Variants in PIWIL3 observed in about 807,000 individuals in gnomAD.
The protein encoded by PIWIL3 is piwi-like protein 3.
In PIWIL3, 101 loss-of-function variants were observed where a neutral mutation model predicts 109.7. The ratio of observed to expected loss-of-function variants is 0.92; its 90% CI spans 0.78 to 1.09. The LOEUF is 1.09. Among genes scored for constraint, PIWIL3 ranks in the 50% least tolerant of loss-of-function variants. The pLI is 0.00. For synonymous variants in PIWIL3, 373 were observed against 376.4 expected (o/e 0.99, Z 0.10); for missense variants, 1,031 against 1,072.6 (o/e 0.96, Z 0.54).
intron 12 of PIWIL3, among the ~76,000 whole-genome samples, chr22:24,741,355 A>C (rs1470974215): frequency 6.6e-6 from 1 of 152,156 alleles, no homozygotes; most frequent in Non-Finnish European, 1.5e-5. Context: ...TCTACTAAAA[A>C]TTAGCCGGGC....
intron 13 of PIWIL3, among the ~76,000 whole-genome samples, chr22:24,734,844 A>T (rs1347617238): frequency 1.3e-5 from 2 of 151,060 alleles, no homozygotes; most frequent in Non-Finnish European, 2.9e-5. Flanking sequence ...TTTAGAAAAA[A>T]AAACCAAAAA....
chr22:24,765,217 G>A (rs544462283), intron 1 of PIWIL3, among the ~76,000 whole-genome samples: 5 of 152,256 alleles, frequency 3.3e-5, no homozygotes, highest in South Asian at 2.1e-4. Context: ...TGAAAAGTCC[G>A]ATTATATTGG....
chr22:24,730,234 G>A (rs1210419744), intron 14 of PIWIL3, among the ~76,000 whole-genome samples: 1 of 151,532 alleles, frequency 6.6e-6, no homozygotes, highest in African/African-American at 2.4e-5. Context: ...GCATGGTGGC[G>A]GGCACGTGTA....
In PIWIL3 at chr22:24,771,392, G is replaced by A. The variant is rs138767466; in HGVS notation, c.-23+2930C>T. On this transcript the variant is annotated intron_variant, in intron 1 of 20. Transcript: ENST00000616349. ...ACTTGGGAGGCTGAGGCAGGAGAAT[G>A]GCGTGAACCTGGGAGGAGGAGCTTT... 2.6e-5 allele frequency among the ~76,000 whole-genome samples: 4 copies of A among 151,310 alleles called. No homozygotes were observed. The East Asian group carries it at 7.9e-4, about 30-fold the overall frequency.
At chr22:24,720,290 T>TTTTTG (rs1491484822) in intron 19 of PIWIL3, among the ~76,000 whole-genome samples, 1 of 124,854 alleles carries the variant, frequency 8.0e-6, no homozygotes, top group African/African-American at 2.9e-5. Flanking sequence ...TTTTTTTTTT[T>TTTTTG]AGACGGAGTC....
intron 11 of PIWIL3, among the ~76,000 whole-genome samples, 184 bp from the exon 12 acceptor site, chr22:24,749,205 T>C (rs561432302): frequency 2.2e-4 from 33 of 152,330 alleles, no homozygotes; most frequent in Admixed American, 3.9e-4. Context: ...TAGGTACTTA[T>C]AGCCTTTTGA....
chr22:24,742,504 T>C (rs1354022209), intron 12 of PIWIL3, among the ~76,000 whole-genome samples: 1 of 152,168 alleles, frequency 6.6e-6, no homozygotes, highest in Non-Finnish European at 1.5e-5. Flanking sequence ...CAAACTATGC[T>C]ACAAGGCTAT....
At chr22:24,732,792 T>C (rs1923431451) in intron 14 of PIWIL3, among the ~76,000 whole-genome samples, 1 of 152,126 alleles carries the variant, frequency 6.6e-6, no homozygotes, top group Non-Finnish European at 1.5e-5. Flanking sequence ...CAGTCCAGCC[T>C]GGGTGACGAG....
rs59183599 is a variant in PIWIL3 at position 24,744,180 on chromosome 22, A to ATTT, written c.1449+4726_1449+4727insAAA. Among the ~76,000 whole-genome samples the ATTT allele has an allele frequency of 1.9e-5, 2 of 103,476 alleles. 1 individual carries two copies. Among genetic ancestry groups the ATTT allele is most frequent in the Non-Finnish European group, 4.0e-5 (2 of 50,184 alleles). The allele number at this position is 103,476 out of a possible 152,430, so 67.9% of individuals were successfully genotyped here. A position where few individuals can be genotyped will look rare whatever the true frequency, so the allele number is the denominator to read the frequency against. ...TCTAATTGAAAGAGTGACCGAATTA[A>ATTT]AAAAAAAAAAAAAAAAAAAAAAAAA... On this transcript the variant is annotated intron_variant, in intron 12 of 20. Transcript: ENST00000616349.
chr22:24,746,387 C>A (rs1341022360), intron 12 of PIWIL3, among the ~76,000 whole-genome samples: 1 of 152,004 alleles, frequency 6.6e-6, no homozygotes, highest in African/African-American at 2.4e-5. Flanking sequence ...TAATTGAAAA[C>A]CCTCAAAACC....
chr22:24,749,912 T>A, intron 9 of PIWIL3, 93 bp from the exon 10 acceptor site: 1 of 1,571,278 alleles, frequency 6.4e-7, no homozygotes, highest in South Asian at 1.1e-5. Flanking sequence ...GGACTACAAA[T>A]GAAGGGCCAC....
In PIWIL3 at chr22:24,752,343, T is replaced by A. The variant is rs12167803; in HGVS notation, c.978-845A>T. Among the ~76,000 whole-genome samples the A allele has an allele frequency of 9.5e-3, 1,441 of 152,276 alleles. 26 individuals are homozygous for A. The highest frequency in any genetic ancestry group is 0.033 in the African/African-American group (1,355 of 41,542). On this transcript the variant is annotated intron_variant, in intron 8 of 20. Coordinates refer to ENST00000616349, the MANE Select transcript of PIWIL3 (RefSeq NM_001255975.1). ...CATGGAGGTTCTCTTCCCTTCTCCT[T>A]GTCCCTGCCATGTGTGCAGGTGTTA...
chr22:24,727,964 A>G lies in PIWIL3; in HGVS notation c.1995T>C (p.Asn665=), dbSNP rs1293807183. ...KSIAGFVAST[N]AELTKWYSQC... The stretch of plus-strand genomic sequence containing the variant: ...AGCTTACTTACTTTGTTAATTCAGC[A>G]TTGGTACTTGCAACAAATCCTGCTA... Residue 665 remains asparagine, a synonymous_variant, in exon 16 of 21, where the codon AAT becomes AAC. Transcript: ENST00000616349. The G allele has an allele frequency of 6.2e-7, 1 of 1,612,488 alleles. No homozygotes were observed. Among genetic ancestry groups the G allele is most frequent in the Non-Finnish European group, 8.5e-7 (1 of 1,179,146 alleles).
rs575979876 is a variant in PIWIL3 at position 24,745,252 on chromosome 22, C to T, written c.1449+3655G>A. On this transcript the variant is annotated intron_variant, in intron 12 of 20. Transcript: ENST00000616349. ...GAGGGAATTTTATAGCTATAAGTGC[C>T]TACATCAAAAGAGCAAAACTTCAAA... Among the ~76,000 whole-genome samples, 7 of 152,254 alleles carry T rather than the reference C, an allele frequency of 4.6e-5. No homozygotes were observed. In the South Asian group the frequency reaches 1.5e-3, roughly 32 times the overall value.
At chr22:24,734,820 C>CTT (rs34841642) in intron 13 of PIWIL3, among the ~76,000 whole-genome samples, 2,879 of 135,004 alleles carry the variant, frequency 0.021, 124 homozygotes, top group African/African-American at 0.075. Context: ...CAGAACATAA[C>CTT]TTTTTTTTTT....
chr22:24,738,148 CA>C lies in PIWIL3; in HGVS notation c.1450-2257del, dbSNP rs890878197. On this transcript the variant is annotated intron_variant, in intron 12 of 20. Coordinates refer to ENST00000616349, the MANE Select transcript of PIWIL3 (RefSeq NM_001255975.1). ...CCTAGGCGACAGAGCAAGACTGTCT[CA>C]AAAAAAGAAAGAAAAAGAAAAAGAA... is the stretch of plus-strand genomic sequence containing the variant. Among the ~76,000 whole-genome samples, 6 of 151,260 alleles carry C rather than the reference CA, an allele frequency of 4.0e-5. 1 individual carries two copies. In the Middle Eastern group the frequency reaches 0.017, roughly 429 times the overall value.
chr22:24,772,460 C>A (rs1042635472), intron 1 of PIWIL3, among the ~76,000 whole-genome samples: 2 of 152,138 alleles, frequency 1.3e-5, no homozygotes, highest in Non-Finnish European at 2.9e-5. Flanking sequence ...CTCTCTGAGA[C>A]CCTGTTTCCT....
intron 16 of PIWIL3, among the ~76,000 whole-genome samples, chr22:24,726,760 T>G (rs938573363): frequency 6.6e-6 from 1 of 152,332 alleles, no homozygotes; most frequent in Middle Eastern, 3.4e-3. Context: ...AATATTATCA[T>G]ATTGAAGCAG....
chr22:24,735,191 A>T (rs1201429221), intron 13 of PIWIL3, among the ~76,000 whole-genome samples: 2 of 152,218 alleles, frequency 1.3e-5, no homozygotes, highest in African/African-American at 4.8e-5. Flanking sequence ...TGGTGGATAC[A>T]TGTCATATAC....
Sources: allele counts gnomAD v4.1 joint callset (sites outside exome capture counted in the v4.1 genomes callset), GRCh38; gene constraint gnomAD v4.1.1; transcripts MANE v1.5; gene names NCBI Gene and HGNC (gene_info 2026-07-23, HGNC 2026-07-21).